Variants in THNSL1 observed in about 807,000 individuals in gnomAD.
THNSL1 encodes the protein threonine synthase-like 1.
Under a neutral mutation model 50.4 loss-of-function variants are expected in THNSL1, and 48 were observed. That is an observed-to-expected ratio of 0.95 (90% CI 0.76 to 1.21). THNSL1 has a LOEUF of 1.21. Ranked by LOEUF, THNSL1 falls within the 50% of genes most tolerant of loss-of-function variation. The pLI is 0.00. For missense variants in THNSL1, 896 were observed against 871.7 expected (o/e 1.03, Z -0.35); for synonymous variants, 309 against 306.1 (o/e 1.01, Z -0.10).
At position 25,017,456 on chromosome 10, in the gene THNSL1, CTT is replaced by C. The variant is rs1432981172; in HGVS notation, c.-216+765_-216+766del. Among the ~76,000 whole-genome samples, 4 of 152,134 alleles carry C rather than the reference CTT, an allele frequency of 2.6e-5. No individual in the cohort carries two copies. The East Asian group carries it at 5.8e-4, about 22-fold the overall frequency. ...CTTCCCGGAGAGGAGAGAAAACACA[CTT>C]GAGTCTGGGTTTCTCACTGCCTGGT... is the stretch of plus-strand genomic sequence containing the variant. On this transcript the variant is annotated intron_variant, in intron 1 of 2. Coordinates refer to ENST00000376356, the MANE Select transcript of THNSL1 (RefSeq NM_024838.5).
the THNSL1 span, among the ~76,000 whole-genome samples, chr10:24,993,415 C>T: frequency 6.6e-6 from 1 of 152,216 alleles, no homozygotes; most frequent in Admixed American, 6.5e-5. Context: ...ATCACAGTTA[C>T]TAAGTGGCAG....
chr10:24,988,592 C>G, the THNSL1 span, among the ~76,000 whole-genome samples: 1 of 144,388 alleles, frequency 6.9e-6, no homozygotes, highest in African/African-American at 2.5e-5. Flanking sequence ...TCATAAGGTT[C>G]CAATGCACTA....
the THNSL1 span, among the ~76,000 whole-genome samples, chr10:24,999,744 G>C: frequency 6.6e-6 from 1 of 152,170 alleles, no homozygotes; most frequent in African/African-American, 2.4e-5. Context: ...CTAAGAAAGA[G>C]GTGCTAGGGC....
chr10:25,008,168 G>C, the THNSL1 span, among the ~76,000 whole-genome samples: 5 of 151,932 alleles, frequency 3.3e-5, no homozygotes, highest in Non-Finnish European at 5.9e-5. Context: ...CACTAAAATA[G>C]CTTCTAACAC....
At chr10:24,969,890 A>G in the THNSL1 span, among the ~76,000 whole-genome samples, 1 of 152,216 alleles carries the variant, frequency 6.6e-6, no homozygotes, top group Non-Finnish European at 1.5e-5. Flanking sequence ...CATCCCAAAC[A>G]CAGCAAACAT....
chr10:25,003,408 C>T, the THNSL1 span, among the ~76,000 whole-genome samples: 1 of 152,058 alleles, frequency 6.6e-6, no homozygotes, highest in African/African-American at 2.4e-5. Context: ...GGTTTTACCA[C>T]GTTGGCCAGG....
In THNSL1 at chr10:25,024,586, G is replaced by A. The variant is rs746689206; in HGVS notation, c.1363G>A (p.Gly455Ser). 1 of 1,614,110 alleles carries A rather than the reference G, an allele frequency of 6.2e-7. No homozygotes were observed. The highest frequency in any genetic ancestry group is 8.5e-7 in the Non-Finnish European group (1 of 1,180,000). The change falls in exon 3 of 3, where the codon GGC becomes AGC. Residue 455 changes from glycine to serine, a missense_variant. By Grantham distance (56) the Gly-to-Ser change is moderately conservative. Coordinates refer to ENST00000376356, the MANE Select transcript of THNSL1 (RefSeq NM_024838.5). Reference sequence around the variant, plus strand: ...AATTTTTAATGATTCTGATTTTACTGGCTTTCTTACTGTGGAATATGGAAC... The same window carrying A: ...AATTTTTAATGATTCTGATTTTACTAGCTTTCTTACTGTGGAATATGGAAC... ...KRIFNDSDFT[G>S]FLTVEYGTIL...
At chr10:24,980,630 G>A in the THNSL1 span, among the ~76,000 whole-genome samples, 17 of 152,258 alleles carry the variant, frequency 1.1e-4, no homozygotes, top group African/African-American at 4.1e-4. Flanking sequence ...CAATGAGAGA[G>A]CTATGTCAGC....
At chr10:24,966,117 T>C in the THNSL1 span, among the ~76,000 whole-genome samples, 3 of 152,214 alleles carry the variant, frequency 2.0e-5, no homozygotes, top group African/African-American at 7.2e-5. Flanking sequence ...TCCAGATTCA[T>C]CACCTCCCTC....
upstream of THNSL1, chr10:25,015,709 C>A (rs1850553016): frequency 1.5e-6 from 1 of 669,134 alleles, no homozygotes; most frequent in South Asian, 4.2e-5. Context: ...GATATTTCGA[C>A]CTTTTCTCTA....
chr10:25,005,556 G>A, the THNSL1 span, among the ~76,000 whole-genome samples: 24 of 151,962 alleles, frequency 1.6e-4, no homozygotes, highest in Admixed American at 2.6e-4. Context: ...TTACACTATC[G>A]TGTGGAACTC....
chr10:24,961,793 T>C, the THNSL1 span, among the ~76,000 whole-genome samples: 1 of 152,222 alleles, frequency 6.6e-6, no homozygotes, highest in South Asian at 2.1e-4. Context: ...AAGTTTATGG[T>C]GCTGTGTTTC....
chr10:24,998,313 C>T, the THNSL1 span, among the ~76,000 whole-genome samples: 1 of 146,338 alleles, frequency 6.8e-6, no homozygotes, highest in Non-Finnish European at 1.5e-5. Context: ...CTTCTCCTCT[C>T]CCCTCCCCTC....
chr10:24,993,932 T>C, the THNSL1 span, among the ~76,000 whole-genome samples: 5 of 152,168 alleles, frequency 3.3e-5, no homozygotes, highest in African/African-American at 1.2e-4. Flanking sequence ...GAAGTGGCTT[T>C]AAGAGCCATG....
the THNSL1 span, among the ~76,000 whole-genome samples, chr10:25,002,163 C>A: frequency 6.6e-6 from 1 of 152,200 alleles, no homozygotes; most frequent in Non-Finnish European, 1.5e-5. Context: ...ACTCAATGCC[C>A]TGTGTATTAG....
the THNSL1 span, among the ~76,000 whole-genome samples, chr10:24,992,067 C>CT: frequency 1.3e-5 from 2 of 152,218 alleles, no homozygotes; most frequent in Admixed American, 1.3e-4. Flanking sequence ...AAGCCATCAG[C>CT]TGTGATTCTT....
chr10:24,976,840 G>C, the THNSL1 span, among the ~76,000 whole-genome samples: 1 of 152,104 alleles, frequency 6.6e-6, no homozygotes. Flanking sequence ...TTACTAAGTG[G>C]GTGCCAGCTG....
At chr10:24,983,108 G>T in the THNSL1 span, 6 of 152,198 alleles carry the variant, frequency 3.9e-5, no homozygotes, top group Non-Finnish European at 8.8e-5. Context: ...CAGACAAAAG[G>T]AGACTGGGTC....
the THNSL1 span, among the ~76,000 whole-genome samples, chr10:25,001,987 G>A: frequency 2.0e-5 from 3 of 152,012 alleles, no homozygotes; most frequent in East Asian, 5.8e-4. Flanking sequence ...TCTTTCTGGT[G>A]TTCTTTAAAT....
Sources: gnomAD v4.1 joint callset for allele counts (sites outside exome capture counted in the v4.1 genomes callset) on GRCh38, gnomAD v4.1.1 for gene constraint, MANE v1.5 for transcripts, NCBI Gene and HGNC (gene_info 2026-07-23, HGNC 2026-07-21) for gene names.